OCIAD1: variants seen among roughly 807,000 people sequenced by gnomAD.
OCIAD1 encodes OCIA domain-containing protein 1.
OCIAD1 carries 29 observed loss-of-function variants against 38.9 expected under a neutral mutation model. The observed-to-expected ratio is 0.74, with a 90% CI of 0.55 to 1.02. The LOEUF (loss-of-function observed/expected upper bound fraction) is 1.02, where lower values mean the gene tolerates loss of function less well. Among genes scored for constraint, OCIAD1 ranks in the 50% least tolerant of loss-of-function variants. OCIAD1 has a pLI of 0.00. For synonymous variants in OCIAD1, 110 were observed against 92.0 expected (o/e 1.20, Z -1.12); for missense variants, 288 against 289.6 (o/e 0.99, Z 0.04).
chr4:48,852,968 G>A (rs1379420558), intron 7 of OCIAD1, among the ~76,000 whole-genome samples: 2 of 138,992 alleles, frequency 1.4e-5, no homozygotes, highest in Non-Finnish European at 3.0e-5. Context: ...TGCAACCTCC[G>A]CCCCCCCAGC....
At chr4:48,840,598 G>T (rs1344575831) in intron 3 of OCIAD1, among the ~76,000 whole-genome samples, 1 of 152,106 alleles carries the variant, frequency 6.6e-6, no homozygotes, top group Non-Finnish European at 1.5e-5. Context: ...TAATTACTTT[G>T]GTTCTTAAAT....
At chr4:48,836,434 C>T (rs544839394) in intron 3 of OCIAD1, among the ~76,000 whole-genome samples, 9 of 152,102 alleles carry the variant, frequency 5.9e-5, no homozygotes, top group Non-Finnish European at 1.2e-4. Context: ...TTAGTTCAGA[C>T]GTTTTGAGTT....
At position 48,825,544 on chromosome 4, in the gene OCIAD1, A is replaced by G. The variant is rs183189383; in HGVS notation, c.-102-5033A>G. Among the ~76,000 whole-genome samples the G allele has an allele frequency of 2.2e-3, 333 of 152,314 alleles. 2 individuals are homozygous for G. The highest frequency in any genetic ancestry group is 7.6e-3 in the African/African-American group (314 of 41,556). On this transcript the variant is annotated intron_variant, in intron 1 of 6. Coordinates refer to the OCIAD1 transcript ENST00000504654. Reference sequence around the variant, plus strand: ...CACTTTTGGGGTACATAGGAATACCATTAGACTTTGTTTTCCTCTAAATCA... The same window carrying G: ...CACTTTTGGGGTACATAGGAATACCGTTAGACTTTGTTTTCCTCTAAATCA...
chr4:48,811,646 G>C (rs550543095), intron 1 of OCIAD1, among the ~76,000 whole-genome samples: 2 of 152,106 alleles, frequency 1.3e-5, no homozygotes, highest in Non-Finnish European at 2.9e-5. Flanking sequence ...GTGAGATCCT[G>C]TCTCAAAGTA....
intron 1 of OCIAD1, among the ~76,000 whole-genome samples, chr4:48,818,896 A>C (rs980362946): frequency 9.9e-5 from 15 of 152,202 alleles, no homozygotes; most frequent in Admixed American, 7.2e-4. Flanking sequence ...AAAGGAATGA[A>C]AAAAACCTTC....
intron 1 of OCIAD1, among the ~76,000 whole-genome samples, chr4:48,806,207 C>T (rs11735825): frequency 0.027 from 4,100 of 152,220 alleles, 69 homozygotes; most frequent in South Asian, 0.07. Flanking sequence ...GTGGAGGTTG[C>T]AGTGAGCCGA....
chr4:48,847,156 G>A (rs1197587555), intron 4 of OCIAD1, among the ~76,000 whole-genome samples: 1 of 152,112 alleles, frequency 6.6e-6, no homozygotes, highest in Non-Finnish European at 1.5e-5. Context: ...CACTAATATT[G>A]ATTGCATTGT....
chr4:48,846,572 C>T (rs1431855428), intron 4 of OCIAD1, among the ~76,000 whole-genome samples: 1 of 151,992 alleles, frequency 6.6e-6, no homozygotes. Context: ...TATGGTGAAA[C>T]CCTGTCTCTA....
At chr4:48,818,061 A>G (rs956685885) in intron 1 of OCIAD1, among the ~76,000 whole-genome samples, 4 of 152,180 alleles carry the variant, frequency 2.6e-5, no homozygotes, top group African/African-American at 9.7e-5. Flanking sequence ...AGCGCAGTGC[A>G]CCAGCTCTTC....
chr4:48,834,284 G>C (rs1444307998), intron 3 of OCIAD1, among the ~76,000 whole-genome samples: 1 of 152,142 alleles, frequency 6.6e-6, no homozygotes, highest in Non-Finnish European at 1.5e-5. Flanking sequence ...CGATTCTCCT[G>C]CCTCAGCCTC....
intron 1 of OCIAD1, among the ~76,000 whole-genome samples, chr4:48,814,729 C>T (rs1385061409): frequency 9.2e-5 from 14 of 152,014 alleles, no homozygotes; most frequent in Non-Finnish European, 2.9e-5. Context: ...CTTTCTAGTA[C>T]TTTAAATCTT....
At chr4:48,833,325 T>TAACAAAAA (rs1777696530) in intron 2 of OCIAD1, 76 bp from the exon 3 acceptor site, 1 of 869,872 alleles carries the variant, frequency 1.1e-6, no homozygotes, top group African/African-American at 1.7e-5. Flanking sequence ...CTTGTTAATG[T>TAACAAAAA]TTAGGCTAAG....
At chr4:48,825,251 T>G (rs2109498443) in intron 1 of OCIAD1, among the ~76,000 whole-genome samples, 1 of 152,302 alleles carries the variant, frequency 6.6e-6, no homozygotes, top group Admixed American at 6.5e-5. Context: ...CCTGACTCCT[T>G]GTGCCCCCAC....
At chr4:48,845,457 A>T (rs955124502) in intron 4 of OCIAD1, among the ~76,000 whole-genome samples, 1 of 152,214 alleles carries the variant, frequency 6.6e-6, no homozygotes, top group African/African-American at 2.4e-5. Flanking sequence ...ATGATGGCAT[A>T]TTCCTAAGAT....
At position 48,806,901 on chromosome 4, in the gene OCIAD1, G is replaced by T. The variant is rs538233301; in HGVS notation, c.-103+1571G>T. Among the ~76,000 whole-genome samples the T allele has an allele frequency of 6.6e-5, 10 of 152,040 alleles. No individual in the cohort carries two copies. In the South Asian group the frequency reaches 1.0e-3, roughly 16 times the overall value. On this transcript the variant is annotated intron_variant, in intron 1 of 6. Coordinates refer to the OCIAD1 transcript ENST00000504654. ...TTACAGGCGTGAGCAACCCAGTCCAGCTTTCTTTTCTTTCTTTTTTGAGGT... is the reference window on the plus strand; with the variant it reads ...TTACAGGCGTGAGCAACCCAGTCCATCTTTCTTTTCTTTCTTTTTTGAGGT...
chr4:48,845,796 C>T (rs1286606439), intron 4 of OCIAD1, among the ~76,000 whole-genome samples: 2 of 152,186 alleles, frequency 1.3e-5, no homozygotes, highest in Non-Finnish European at 2.9e-5. Flanking sequence ...CCCTTATCTG[C>T]CTTGTCCAAT....
At chr4:48,855,234 C>G (rs746949615) in intron 7 of OCIAD1, among the ~76,000 whole-genome samples, 1 of 152,168 alleles carries the variant, frequency 6.6e-6, no homozygotes, top group African/African-American at 2.4e-5. Flanking sequence ...TAATTGTCAG[C>G]AGAGTGGGGT....
chr4:48,831,589 C>T, intron 1 of OCIAD1: 1 of 1,277,128 alleles, frequency 7.8e-7, no homozygotes. Context: ...GTGTAAAGAA[C>T]TTAAAATGGT....
chr4:48,823,997 A>AATTTTTTTTT (rs2109497463), intron 1 of OCIAD1, among the ~76,000 whole-genome samples: 1 of 123,292 alleles, frequency 8.1e-6, no homozygotes, highest in East Asian at 2.4e-4. Flanking sequence ...TTTTGTTTTT[A>AATTTTTTTTT]AGACAGGGCC....
Sources: allele counts gnomAD v4.1 joint callset (sites outside exome capture counted in the v4.1 genomes callset), GRCh38; gene constraint gnomAD v4.1.1; transcripts MANE v1.5; gene names NCBI Gene and HGNC (gene_info 2026-07-23, HGNC 2026-07-21).